XRN2: variants seen among roughly 807,000 people sequenced by gnomAD.
XRN2 encodes the protein DHM1-like protein.
Under a neutral mutation model 138.5 loss-of-function variants are expected in XRN2, and 44 were observed. That is an observed-to-expected ratio of 0.32 (90% CI 0.25 to 0.41). The LOEUF (loss-of-function observed/expected upper bound fraction) is 0.41, where lower values mean the gene tolerates loss of function less well. Ranked by LOEUF, XRN2 falls within the 10% of genes least tolerant of loss-of-function variation. The pLI is 1.00. For synonymous variants in XRN2, 354 were observed against 369.4 expected (o/e 0.96, Z 0.48); for missense variants, 937 against 1,169.3 (o/e 0.80, Z 2.90).
At chr20:21,347,842 A>G (rs2038457725) in intron 17 of XRN2, among the ~76,000 whole-genome samples, 1 of 152,222 alleles carries the variant, frequency 6.6e-6, no homozygotes, top group Non-Finnish European at 1.5e-5. Context: ...CACCAAATGT[A>G]TTTTAAGGAT....
rs571359796 is a variant in XRN2 at position 21,374,273 on chromosome 20, TTTTA to T, written c.2584+5695_2584+5698del. Among the ~76,000 whole-genome samples, 252 of 152,316 alleles carry T rather than the reference TTTTA, an allele frequency of 1.7e-3. 2 individuals are homozygous for T. Among genetic ancestry groups the T allele is most frequent in the Admixed American group, 5.1e-3 (78 of 15,296 alleles). On this transcript the variant is annotated intron_variant, in intron 27 of 29. Transcript: ENST00000377191. ...TTATGTCATCTCCAAGTAGTGACCA[TTTTA>T]TTTATTTATTTTCTAATCTTAATGC... is the stretch of plus-strand genomic sequence containing the variant.
chr20:21,375,404 T>G (rs1472532479), intron 27 of XRN2, among the ~76,000 whole-genome samples: 3 of 151,998 alleles, frequency 2.0e-5, no homozygotes, highest in African/African-American at 7.2e-5. Context: ...ACTTAGGTAA[T>G]TTATTTTTGG....
rs1004631564 is a variant in XRN2 at position 21,306,204 on chromosome 20, T to C, written c.75+2731T>C. Among the ~76,000 whole-genome samples the C allele has an allele frequency of 6.9e-5, 5 of 72,510 alleles. 2 individuals carry two copies. The highest frequency in any genetic ancestry group is 1.3e-4 in the Non-Finnish European group (4 of 31,230). The allele number at this position is 72,510 out of a possible 152,430, so 47.6% of individuals were successfully genotyped here. On this transcript the variant is annotated intron_variant, in intron 1 of 29. Coordinates refer to ENST00000377191, the MANE Select transcript of XRN2 (RefSeq NM_012255.5). ...CAGGCAGGAGTGCAGTGGTGTGATA[T>C]CGGCTCACTGCAGCCTCCACTTCCC... is the stretch of plus-strand genomic sequence containing the variant.
chr20:21,353,950 TA>T (rs2038545155), intron 20 of XRN2, among the ~76,000 whole-genome samples: 1 of 152,196 alleles, frequency 6.6e-6, no homozygotes, highest in Non-Finnish European at 1.5e-5. Flanking sequence ...TGAGTAGCAG[TA>T]GTTTCAGAAT....
chr20:21,370,501 A>G (rs529991077), intron 27 of XRN2, among the ~76,000 whole-genome samples: 2 of 152,330 alleles, frequency 1.3e-5, no homozygotes, highest in African/African-American at 4.8e-5. Context: ...TAAATCAGAT[A>G]TGGTAGATAT....
At chr20:21,376,419 T>C (rs945394549) in intron 27 of XRN2, among the ~76,000 whole-genome samples, 14 of 152,226 alleles carry the variant, frequency 9.2e-5, no homozygotes, top group East Asian at 3.8e-4. Context: ...TTTTAAGATA[T>C]GATTTTTCAA....
intron 1 of XRN2, among the ~76,000 whole-genome samples, chr20:21,319,867 C>T (rs1055750434): frequency 6.6e-6 from 1 of 152,108 alleles, no homozygotes; most frequent in Admixed American, 6.5e-5. Flanking sequence ...AAATATATTA[C>T]ACATATATTA....
intron 27 of XRN2, among the ~76,000 whole-genome samples, chr20:21,380,546 C>CTGTCT (rs1263728982): frequency 6.6e-6 from 1 of 152,238 alleles, no homozygotes; most frequent in Non-Finnish European, 1.5e-5. Flanking sequence ...GGGTGGGGAA[C>CTGTCT]TGTCTTCCTC....
intron 1 of XRN2, among the ~76,000 whole-genome samples, chr20:21,316,876 T>A (rs558395637): frequency 6.6e-6 from 1 of 152,228 alleles, no homozygotes; most frequent in Non-Finnish European, 1.5e-5. Flanking sequence ...TTTTTGATAC[T>A]ATTGTGAGAA....
intron 24 of XRN2, among the ~76,000 whole-genome samples, chr20:21,364,565 G>C (rs2038672884): frequency 1.3e-5 from 2 of 152,114 alleles, no homozygotes; most frequent in African/African-American, 4.8e-5. Context: ...CCATCACTTT[G>C]GGAAGCTGAG....
intron 26 of XRN2, among the ~76,000 whole-genome samples, 197 bp downstream of exon 26, chr20:21,365,901 T>TATATATA (rs2038691246): frequency 1.6e-5 from 2 of 122,698 alleles, no homozygotes; most frequent in Admixed American, 2.1e-4. Context: ...TATAATTATA[T>TATATATA]ATATAATATA....
chr20:21,337,068 G>A (rs1241897998), intron 13 of XRN2, among the ~76,000 whole-genome samples: 1 of 152,224 alleles, frequency 6.6e-6, no homozygotes, highest in African/African-American at 2.4e-5. Flanking sequence ...GCCCAGTCTG[G>A]TAGGACCCAA....
In XRN2 at chr20:21,332,303, C is replaced by G; in HGVS notation, c.721C>G (p.Leu241Val). The G allele has an allele frequency of 6.2e-7, 1 of 1,612,620 alleles. No homozygotes were observed. Among genetic ancestry groups the G allele is most frequent in the Admixed American group, 1.7e-5 (1 of 59,604 alleles). The change falls in exon 9 of 30, where the codon CTT becomes GTT. Residue 241 changes from leucine to valine, a missense_variant. Coordinates refer to ENST00000377191, the MANE Select transcript of XRN2 (RefSeq NM_012255.5). ...GATAGCTGATCTCATTATGCTTGGC[C>G]TTGCCACACATGAACCGAACTTTAC... is the stretch of plus-strand genomic sequence containing the variant. ...GADADLIMLG[L>V]ATHEPNFTII...
chr20:21,355,561 C>T (rs2038565668), intron 21 of XRN2, among the ~76,000 whole-genome samples: 1 of 151,908 alleles, frequency 6.6e-6, no homozygotes, highest in African/African-American at 2.4e-5. Flanking sequence ...AAAATATTGC[C>T]CTTTATCTTG....
chr20:21,389,312 C>T lies in XRN2; in HGVS notation c.2827C>T (p.Pro943Ser). 6.2e-7 allele frequency: 1 copy of T among 1,613,040 alleles called. No individual in the cohort carries two copies. The highest frequency in any genetic ancestry group is 8.5e-7 in the Non-Finnish European group (1 of 1,179,542). ...AGGAAGGAAATACCCTTTGCCACCA[C>T]CCTCAGGAAGATACAATTGGAATTA... is the stretch of plus-strand genomic sequence containing the variant. The part of the protein sequence containing the change: ...REGRKYPLPP[P>S]SGRYNWN Residue 943 changes from proline (P) to serine (S), a missense_variant, in exon 30 of 30, where the codon CCC becomes TCC. Pro to Ser is a moderately conservative substitution (Grantham distance 74, BLOSUM62 -1). Around this residue, in one of 6 missense-constraint regions of XRN2, gnomAD observed 372 missense variants for 414.4 expected, o/e 0.90. Transcript: ENST00000377191.
intron 20 of XRN2, among the ~76,000 whole-genome samples, chr20:21,350,437 A>G (rs1033585717): frequency 6.9e-6 from 1 of 144,176 alleles, no homozygotes; most frequent in Non-Finnish European, 1.5e-5. Context: ...GAGGCAGGAG[A>G]ATGGCGTGAA....
chr20:21,308,337 C>G (rs556290957), intron 1 of XRN2, among the ~76,000 whole-genome samples: 2 of 152,124 alleles, frequency 1.3e-5, no homozygotes, highest in African/African-American at 4.8e-5. Flanking sequence ...ATTGTAGGGA[C>G]GTATGCTTGC....
chr20:21,366,086 TTATA>T (rs1171710451), intron 26 of XRN2, among the ~76,000 whole-genome samples: 9 of 115,468 alleles, frequency 7.8e-5, no homozygotes, highest in South Asian at 2.4e-4. Context: ...TATTTATAGT[TTATA>T]TATATAACAT....
chr20:21,326,048 C>G (rs904813717), intron 1 of XRN2, among the ~76,000 whole-genome samples: 1 of 152,222 alleles, frequency 6.6e-6, no homozygotes, highest in African/African-American at 2.4e-5. Context: ...TGTGAATTTT[C>G]TAAACATCTA....
Sources: gnomAD v4.1 joint callset for allele counts (sites outside exome capture counted in the v4.1 genomes callset) on GRCh38, gnomAD v4.1.1 for gene constraint, gnomAD v4.1.1 regional missense constraint, MANE v1.5 for transcripts, NCBI Gene and HGNC (gene_info 2026-07-23, HGNC 2026-07-21) for gene names.